COG6: variants seen among roughly 807,000 people sequenced by gnomAD.
COG6 encodes conserved oligomeric Golgi complex subunit 6.
COG6 carries 74 observed loss-of-function variants against 88.8 expected under a neutral mutation model. The observed-to-expected ratio is 0.83, with a 90% CI of 0.69 to 1.01. COG6 has a LOEUF of 1.01. Among genes scored for constraint, COG6 ranks in the 50% least tolerant of loss-of-function variants. COG6 has a pLI of 0.00. For missense variants in COG6, 800 were observed against 797.9 expected (o/e 1.00, Z -0.03); for synonymous variants, 286 against 278.7 (o/e 1.03, Z -0.26).
intron 18 of COG6, among the ~76,000 whole-genome samples, chr13:39,758,169 G>A (rs972152025): frequency 3.5e-5 from 5 of 144,132 alleles, no homozygotes; most frequent in East Asian, 2.1e-4. Flanking sequence ...TCGGTGAGTC[G>A]AGATTGTGCC....
chr13:39,696,259 A>T (rs895046696), intron 12 of COG6, among the ~76,000 whole-genome samples: 1 of 151,954 alleles, frequency 6.6e-6, no homozygotes, highest in African/African-American at 2.4e-5. Context: ...TCTAGGTGGT[A>T]AGGAAACAGT....
intron 18 of COG6, among the ~76,000 whole-genome samples, chr13:39,750,735 A>G (rs1334495724): frequency 6.6e-6 from 1 of 152,186 alleles, no homozygotes; most frequent in Non-Finnish European, 1.5e-5. Flanking sequence ...CTATATAGTA[A>G]TGGAGAAAGA....
At chr13:39,703,064 C>A (rs908997582) in intron 13 of COG6, among the ~76,000 whole-genome samples, 1 of 151,984 alleles carries the variant, frequency 6.6e-6, no homozygotes, top group Non-Finnish European at 1.5e-5. Flanking sequence ...CTGAGCTCTG[C>A]TAAAGAAAAT....
At chr13:39,696,922 G>A (rs1297740913) in intron 12 of COG6, among the ~76,000 whole-genome samples, 1 of 148,548 alleles carries the variant, frequency 6.7e-6, no homozygotes, top group Non-Finnish European at 1.5e-5. Context: ...AGTTGATTTT[G>A]GAGATAATTT....
chr13:39,689,733 TA>T (rs754772318), intron 10 of COG6, 26 bp from the exon 11 acceptor site: 12 of 1,504,810 alleles, frequency 8.0e-6, no homozygotes, highest in Non-Finnish European at 1.1e-5. Flanking sequence ...TGGAAACAAA[TA>T]TTAATTATGT....
intron 11 of COG6, among the ~76,000 whole-genome samples, chr13:39,692,721 TC>T (rs1235158981): frequency 6.6e-6 from 1 of 152,074 alleles, no homozygotes; most frequent in East Asian, 1.9e-4. Flanking sequence ...TTTTAGCTCT[TC>T]CCTACCTTCT....
chr13:39,659,573 T>C (rs1874766123), intron 2 of COG6, 66 bp downstream of exon 2: 1 of 1,409,686 alleles, frequency 7.1e-7, no homozygotes, highest in East Asian at 2.3e-5. Context: ...CTGTGCTAAG[T>C]ATTTTTTTGA....
At chr13:39,785,560 A>G (rs973441986) in intron 18 of COG6, 3 of 152,192 alleles carry the variant, frequency 2.0e-5, no homozygotes, top group Non-Finnish European at 4.4e-5. Context: ...TCTAGTTACT[A>G]TTCAGGAGTT....
intron 12 of COG6, 121 bp downstream of exon 12, chr13:39,694,846 G>C: frequency 1.7e-6 from 1 of 572,482 alleles, no homozygotes; most frequent in South Asian, 2.1e-5. Flanking sequence ...TAGACTAAGC[G>C]TAACTAGTAG....
intron 18 of COG6, among the ~76,000 whole-genome samples, chr13:39,784,467 T>G (rs1881716632): frequency 6.6e-6 from 1 of 152,136 alleles, no homozygotes; most frequent in African/African-American, 2.4e-5. Context: ...CAGTAAGCAT[T>G]GGATATAGAA....
intron 11 of COG6, among the ~76,000 whole-genome samples, chr13:39,693,393 G>C (rs1307969648): frequency 6.6e-6 from 1 of 151,872 alleles, no homozygotes; most frequent in Non-Finnish European, 1.5e-5. Context: ...CTGGAAGGCA[G>C]CTGGCCGGAT....
At chr13:39,731,855 G>T (rs1013470764) in intron 18 of COG6, among the ~76,000 whole-genome samples, 1 of 152,018 alleles carries the variant, frequency 6.6e-6, no homozygotes, top group Non-Finnish European at 1.5e-5. Context: ...ACCAGGAAGA[G>T]AACTACTGGA....
chr13:39,748,449 T>C (rs1483851889), intron 18 of COG6, among the ~76,000 whole-genome samples: 1 of 151,912 alleles, frequency 6.6e-6, no homozygotes, highest in Non-Finnish European at 1.5e-5. Flanking sequence ...ACCCCGTCTC[T>C]ACTAAAAATA....
At chr13:39,683,285 C>T (rs901843272) in intron 8 of COG6, among the ~76,000 whole-genome samples, 1 of 152,114 alleles carries the variant, frequency 6.6e-6, no homozygotes, top group Non-Finnish European at 1.5e-5. Context: ...TGCTGTGTGG[C>T]TCAAGTATTC....
intron 18 of COG6, among the ~76,000 whole-genome samples, chr13:39,786,652 AT>A (rs1382221442): frequency 4.6e-5 from 7 of 152,270 alleles, no homozygotes; most frequent in African/African-American, 1.7e-4. Context: ...ATTGATAATC[AT>A]TTTTTATAGG....
chr13:39,701,774 A>G (rs953313828), intron 13 of COG6, among the ~76,000 whole-genome samples: 2 of 152,006 alleles, frequency 1.3e-5, no homozygotes, highest in African/African-American at 4.8e-5. Flanking sequence ...GGGTAAGCAT[A>G]TTACCCAAAG....
chr13:39,667,189 T>C (rs867294652), intron 4 of COG6, among the ~76,000 whole-genome samples: 4 of 152,182 alleles, frequency 2.6e-5, no homozygotes, highest in Non-Finnish European at 4.4e-5. Context: ...AAAGGTAGAA[T>C]ACCAAATAAA....
At chr13:39,756,792 G>A (rs1027590026), downstream of COG6, among the ~76,000 whole-genome samples, 1 of 152,176 alleles carries the variant, frequency 6.6e-6, no homozygotes, top group South Asian at 2.1e-4. Context: ...TGGCAAAACT[G>A]TGAAAACATA....
chr13:39,755,124 G>A (rs1009207694), downstream of COG6, among the ~76,000 whole-genome samples: 17 of 152,062 alleles, frequency 1.1e-4, no homozygotes, highest in African/African-American at 4.1e-4. Context: ...AATGATCAAA[G>A]TCAACTTTTT....
Sources: gnomAD v4.1 joint callset for allele counts (sites outside exome capture counted in the v4.1 genomes callset) on GRCh38, gnomAD v4.1.1 for gene constraint, MANE v1.5 for transcripts, NCBI Gene and HGNC (gene_info 2026-07-23, HGNC 2026-07-21) for gene names.